PDGFD: variants seen among roughly 807,000 people sequenced by gnomAD.
The protein encoded by PDGFD is platelet-derived growth factor D.
In PDGFD, 30 loss-of-function variants were observed where a neutral mutation model predicts 44.7. The ratio of observed to expected loss-of-function variants is 0.67; its 90% CI spans 0.50 to 0.91. The LOEUF is 0.91. PDGFD is among the 40% of genes least tolerant of loss of function. The pLI, the probability that PDGFD is intolerant of heterozygous loss-of-function variation, is 0.00. For synonymous variants in PDGFD, 173 were observed against 168.4 expected (o/e 1.03, Z -0.21); for missense variants, 445 against 457.8 (o/e 0.97, Z 0.25).
At chr11:103,940,432 T>C (rs771470665) in intron 5 of PDGFD, among the ~76,000 whole-genome samples, 35 of 152,130 alleles carry the variant, frequency 2.3e-4, no homozygotes, top group Non-Finnish European at 3.8e-4. Flanking sequence ...AGCTTGCTTC[T>C]GCACAACATC....
chr11:104,145,882 T>C (rs1862155543), intron 1 of PDGFD, among the ~76,000 whole-genome samples: 1 of 152,150 alleles, frequency 6.6e-6, no homozygotes, highest in Non-Finnish European at 1.5e-5. Context: ...ATACCAGAGA[T>C]CTCTTTCCTT....
rs148723467 is a variant in PDGFD at position 104,027,309 on chromosome 11, A to T, written c.125-27054T>A. On this transcript the variant is annotated intron_variant, in intron 1 of 6. Coordinates refer to ENST00000393158, the MANE Select transcript of PDGFD (RefSeq NM_025208.5). The stretch of plus-strand genomic sequence containing the variant: ...CAGCACCTGGTTCTAGTCAATAAGG[A>T]GTTAAAAATTAATCTACATGTGTTA... Among the ~76,000 whole-genome samples the T allele has an allele frequency of 5.5e-4, 84 of 152,334 alleles. No individual in the cohort carries two copies. In the East Asian group the frequency reaches 0.014, roughly 26 times the overall value.
chr11:103,969,244 T>C (rs918606719), intron 3 of PDGFD, among the ~76,000 whole-genome samples: 2 of 152,162 alleles, frequency 1.3e-5, no homozygotes, highest in African/African-American at 4.8e-5. Context: ...AGATCTATTA[T>C]TAGCTAGAAA....
intron 1 of PDGFD, among the ~76,000 whole-genome samples, chr11:104,143,948 C>T (rs151230985): frequency 4.3e-4 from 66 of 152,166 alleles, no homozygotes; most frequent in Non-Finnish European, 9.1e-4. Context: ...TGCTTTTAGA[C>T]ATTAAAGAAA....
intron 3 of PDGFD, among the ~76,000 whole-genome samples, chr11:103,988,925 TACG>T (rs1307811779): frequency 1.3e-5 from 2 of 152,202 alleles, no homozygotes; most frequent in Non-Finnish European, 2.9e-5. Flanking sequence ...ACGGAATATT[TACG>T]ACATGTCAGG....
chr11:104,159,660 T>G (rs921635383), intron 1 of PDGFD, among the ~76,000 whole-genome samples: 19 of 152,194 alleles, frequency 1.2e-4, no homozygotes, highest in African/African-American at 4.6e-4. Context: ...TAATAATAAC[T>G]ATGCTTATTA....
At chr11:103,949,688 C>A (rs188578332) in intron 3 of PDGFD, among the ~76,000 whole-genome samples, 4 of 152,298 alleles carry the variant, frequency 2.6e-5, no homozygotes, top group South Asian at 4.1e-4. Flanking sequence ...ACTATCCCTA[C>A]CCTCAAGGAA....
At position 103,908,448 on chromosome 11, in the gene PDGFD, T is replaced by C. The variant is rs906422340; in HGVS notation, c.*1246A>G. 5.9e-5 allele frequency: 9 copies of C among 152,226 alleles called. No individual in the cohort carries two copies. The highest frequency in any genetic ancestry group is 1.3e-4 in the Non-Finnish European group (9 of 68,020). 9.4% of individuals were successfully genotyped at this position (152,226 alleles called of 1,614,324 possible). A position where few individuals can be genotyped will look rare whatever the true frequency, so the allele number is the denominator to read the frequency against. On this transcript the variant is annotated 3_prime_UTR_variant, in exon 7 of 7. Coordinates refer to ENST00000393158, the MANE Select transcript of PDGFD (RefSeq NM_025208.5). Reference sequence around the variant, plus strand: ...GCTCCATAGATTAAGAACCATAGCCTCTAGGACTGATTTTACTTGGTTCAG... The same window carrying C: ...GCTCCATAGATTAAGAACCATAGCCCCTAGGACTGATTTTACTTGGTTCAG...
chr11:104,114,672 A>C (rs1437427154), intron 1 of PDGFD, among the ~76,000 whole-genome samples: 3 of 152,034 alleles, frequency 2.0e-5, no homozygotes, highest in Non-Finnish European at 1.5e-5. Flanking sequence ...ACTTGAATCT[A>C]TGAATCAAGT....
chr11:104,128,185 G>A lies in PDGFD; in HGVS notation c.124+35619C>T, dbSNP rs75376830. ...CCTGGACCACCTGAGAAGGAGAGAC[G>A]AGTATAAAGGGACATTACCTGTGCC... On this transcript the variant is annotated intron_variant, in intron 1 of 6. Transcript: ENST00000393158. Among the ~76,000 whole-genome samples, 894 of 145,846 alleles carry A rather than the reference G, an allele frequency of 6.1e-3. 17 individuals are homozygous for A. The highest frequency in any genetic ancestry group is 0.051 in the East Asian group (242 of 4,774).
intron 3 of PDGFD, among the ~76,000 whole-genome samples, chr11:103,971,397 T>C (rs752990730): frequency 1.6e-4 from 25 of 152,198 alleles, no homozygotes; most frequent in Non-Finnish European, 3.2e-4. Flanking sequence ...AAATCTCATA[T>C]TAGAAGTCTT....
intron 1 of PDGFD, among the ~76,000 whole-genome samples, chr11:104,095,418 C>A (rs1861270574): frequency 6.6e-6 from 1 of 152,100 alleles, no homozygotes; most frequent in Non-Finnish European, 1.5e-5. Context: ...AGGCAGCTCT[C>A]TCAACCCTAA....
At chr11:104,125,708 T>C (rs896575351) in intron 1 of PDGFD, among the ~76,000 whole-genome samples, 4 of 152,180 alleles carry the variant, frequency 2.6e-5, no homozygotes, top group Admixed American at 6.5e-5. Flanking sequence ...CTTTACTGTG[T>C]ATTTACCAAT....
chr11:104,119,828 T>C (rs1417033948), intron 1 of PDGFD, among the ~76,000 whole-genome samples: 13 of 116,122 alleles, frequency 1.1e-4, no homozygotes, highest in Non-Finnish European at 1.6e-4. Flanking sequence ...TTATGTACTA[T>C]ATAATCAATT....
At chr11:104,092,732 T>C (rs568921744) in intron 1 of PDGFD, among the ~76,000 whole-genome samples, 17 of 152,284 alleles carry the variant, frequency 1.1e-4, no homozygotes, top group South Asian at 4.1e-4. Context: ...GGTGCACAAA[T>C]GATGTTGGCT....
rs76127259 is a variant in PDGFD, at chr11:104,103,278, T to A, written c.124+60526A>T. Among the ~76,000 whole-genome samples the A allele has an allele frequency of 7.9e-3, 1,209 of 152,096 alleles. 11 individuals are homozygous for A. The highest frequency in any genetic ancestry group is 0.027 in the African/African-American group (1,111 of 41,520). ...TACAAGGGCTATCTAAATGTTACCT[T>A]TTTATTTTTATAAGTATAACCAAAA... On this transcript the variant is annotated intron_variant, in intron 1 of 6. Coordinates refer to ENST00000393158, the MANE Select transcript of PDGFD (RefSeq NM_025208.5).
intron 5 of PDGFD, among the ~76,000 whole-genome samples, chr11:103,930,744 T>G (rs1858388955): frequency 6.6e-6 from 1 of 152,178 alleles, no homozygotes; most frequent in South Asian, 2.1e-4. Flanking sequence ...GCAAATGACC[T>G]GGCTTCCTAG....
At chr11:104,162,202 G>C (rs768526246) in intron 1 of PDGFD, among the ~76,000 whole-genome samples, 1 of 151,204 alleles carries the variant, frequency 6.6e-6, no homozygotes, top group Non-Finnish European at 1.5e-5. Context: ...CAGAATCTTG[G>C]GTTAATGGGC....
At chr11:103,919,462 C>T (rs570600053) in intron 6 of PDGFD, among the ~76,000 whole-genome samples, 33 of 148,322 alleles carry the variant, frequency 2.2e-4, no homozygotes, top group African/African-American at 8.0e-4. Context: ...AGGACAAATG[C>T]ATTATATAAA....
Sources: allele counts gnomAD v4.1 joint callset (sites outside exome capture counted in the v4.1 genomes callset), GRCh38; gene constraint gnomAD v4.1.1; transcripts MANE v1.5; gene names NCBI Gene and HGNC (gene_info 2026-07-23, HGNC 2026-07-21).